MAML2: variants seen among roughly 807,000 people sequenced by gnomAD.
MAML2 encodes mastermind like transcriptional coactivator 2.
A neutral mutation model predicts 96.1 loss-of-function variants in MAML2; 22 were observed. That is an observed-to-expected ratio of 0.23 (90% confidence interval 0.16 to 0.33). The LOEUF is 0.33. Among genes scored for constraint, MAML2 ranks in the 10% least tolerant of loss-of-function variants. The pLI is 1.00. For missense variants in MAML2, 1,367 were observed against 1,392.4 expected, an observed-to-expected ratio of 0.98 and a Z score of 0.29; for synonymous variants, 561 against 521.3, an observed-to-expected ratio of 1.08 and a Z score of -1.04.
At chr11:96,112,046 T>A (rs1484545974) in intron 1 of MAML2, among the ~76,000 whole-genome samples, 1 of 152,142 alleles carries the variant, frequency 6.6e-6, no homozygotes, top group East Asian at 1.9e-4. Flanking sequence ...AGCAGATCCT[T>A]GTGCCACGTG....
At chr11:96,114,064 A>G (rs1238851406) in intron 1 of MAML2, among the ~76,000 whole-genome samples, 1 of 151,932 alleles carries the variant, frequency 6.6e-6, no homozygotes, top group South Asian at 2.1e-4. Flanking sequence ...TTTTTTAAAC[A>G]TCTAATTTAA....
intron 4 of MAML2, among the ~76,000 whole-genome samples, chr11:95,981,844 G>A (rs1857743622): frequency 6.6e-6 from 1 of 152,136 alleles, no homozygotes; most frequent in South Asian, 2.1e-4. Context: ...AAAAAATGTA[G>A]AGGTTTTAAA....
At chr11:96,306,428 A>T (rs115646211) in intron 1 of MAML2, among the ~76,000 whole-genome samples, 5,462 of 152,250 alleles carry the variant, frequency 0.036, 109 homozygotes, top group Non-Finnish European at 0.044. Flanking sequence ...AAGGGGACTG[A>T]ACCTAGCTCC....
chr11:96,340,996 C>T (rs915853597), intron 1 of MAML2, among the ~76,000 whole-genome samples: 4 of 152,010 alleles, frequency 2.6e-5, no homozygotes, highest in Non-Finnish European at 5.9e-5. Flanking sequence ...TGCTTTGGGG[C>T]TGAAAAATGG....
At chr11:96,159,788 C>A (rs1051108790) in intron 1 of MAML2, among the ~76,000 whole-genome samples, 1 of 152,154 alleles carries the variant, frequency 6.6e-6, no homozygotes, top group African/African-American at 2.4e-5. Flanking sequence ...GTACAGCTTA[C>A]GCTGCCAGCC....
At chr11:96,089,162 C>T (rs765869129) in intron 2 of MAML2, among the ~76,000 whole-genome samples, 3 of 152,068 alleles carry the variant, frequency 2.0e-5, no homozygotes, top group African/African-American at 2.4e-5. Flanking sequence ...CTTTGGTCAT[C>T]GGTAACAGAG....
intron 1 of MAML2, among the ~76,000 whole-genome samples, chr11:96,324,161 G>A (rs184346698): frequency 4.3e-4 from 66 of 152,314 alleles, no homozygotes; most frequent in Admixed American, 4.3e-3. Context: ...GCGAAGTCAT[G>A]ATTAGAAACC....
intron 2 of MAML2, among the ~76,000 whole-genome samples, chr11:96,002,895 TG>T (rs1483234970): frequency 1.6e-5 from 2 of 127,120 alleles, no homozygotes; most frequent in African/African-American, 3.1e-5. Flanking sequence ...AGGAGGATGA[TG>T]GGGATGATGA....
chr11:96,067,685 G>A (rs1859266443), intron 2 of MAML2, among the ~76,000 whole-genome samples: 1 of 152,010 alleles, frequency 6.6e-6, no homozygotes, highest in Non-Finnish European at 1.5e-5. Context: ...AATCTACTGA[G>A]GGTCTATTGA....
At chr11:96,305,421 G>A (rs1437221929) in intron 1 of MAML2, among the ~76,000 whole-genome samples, 1 of 152,284 alleles carries the variant, frequency 6.6e-6, no homozygotes, top group Admixed American at 6.5e-5. Flanking sequence ...GGAGGATGGT[G>A]ATAATGGGGG....
At chr11:96,182,454 T>C (rs1861501880) in intron 1 of MAML2, among the ~76,000 whole-genome samples, 1 of 152,154 alleles carries the variant, frequency 6.6e-6, no homozygotes, top group Non-Finnish European at 1.5e-5. Flanking sequence ...CTGATTGACA[T>C]GATTTCCCTC....
At chr11:96,212,683 T>C (rs912392644) in intron 1 of MAML2, among the ~76,000 whole-genome samples, 1 of 152,096 alleles carries the variant, frequency 6.6e-6, no homozygotes, top group Admixed American at 6.6e-5. Flanking sequence ...AGTCCCATGA[T>C]AGAGACGGCA....
intron 1 of MAML2, among the ~76,000 whole-genome samples, chr11:96,189,525 T>C (rs1006584253): frequency 6.6e-6 from 1 of 152,256 alleles, no homozygotes; most frequent in Non-Finnish European, 1.5e-5. Context: ...TAATTTCAGG[T>C]AACTGAAAAT....
At chr11:96,132,009 C>T (rs1466549190) in intron 1 of MAML2, among the ~76,000 whole-genome samples, 2 of 151,946 alleles carry the variant, frequency 1.3e-5, no homozygotes, top group Non-Finnish European at 2.9e-5. Context: ...GACTCTGTCT[C>T]AAAAAATAAA....
intron 4 of MAML2, among the ~76,000 whole-genome samples, chr11:95,984,241 T>A (rs1379433278): frequency 1.3e-5 from 2 of 152,152 alleles, no homozygotes; most frequent in African/African-American, 4.8e-5. Flanking sequence ...GTGGGCTAGA[T>A]CATCTAGGTT....
At chr11:96,108,257 C>A (rs1860058235) in intron 1 of MAML2, among the ~76,000 whole-genome samples, 1 of 152,186 alleles carries the variant, frequency 6.6e-6, no homozygotes, top group Non-Finnish European at 1.5e-5. Context: ...ACTATCACCA[C>A]CAAACTCCTG....
intron 1 of MAML2, among the ~76,000 whole-genome samples, chr11:96,331,432 G>A (rs1863853285): frequency 6.6e-6 from 1 of 152,062 alleles, no homozygotes; most frequent in African/African-American, 2.4e-5. Flanking sequence ...TGGAATAGAT[G>A]TCAGGAAAAC....
chr11:96,222,848 A>C (rs567952733), intron 1 of MAML2, among the ~76,000 whole-genome samples: 35 of 152,192 alleles, frequency 2.3e-4, no homozygotes, highest in Non-Finnish European at 4.3e-4. Flanking sequence ...TATTTTTATA[A>C]AAATATTTAA....
At chr11:96,259,666 C>T (rs1262466411) in intron 1 of MAML2, among the ~76,000 whole-genome samples, 2 of 152,210 alleles carry the variant, frequency 1.3e-5, no homozygotes, top group Admixed American at 6.5e-5. Flanking sequence ...TAGGATTCCT[C>T]CAACAAACAC....
Sources: allele counts gnomAD v4.1 joint callset (sites outside exome capture counted in the v4.1 genomes callset), GRCh38; gene constraint gnomAD v4.1.1; transcripts MANE v1.5; gene names NCBI Gene and HGNC (gene_info 2026-07-23, HGNC 2026-07-21).